Variants in ATP11B observed in about 807,000 individuals in gnomAD.
ATP11B encodes the protein phospholipid-transporting ATPase IF.
ATP11B carries 81 observed loss-of-function variants against 157.8 expected under a neutral mutation model. The ratio of observed to expected loss-of-function variants is 0.51; its 90% CI spans 0.43 to 0.62. ATP11B has a LOEUF of 0.62. Ranked by LOEUF, ATP11B falls within the 20% of genes least tolerant of loss-of-function variation. The pLI is 0.00. For missense variants in ATP11B, 1,165 were observed against 1,402.2 expected, an observed-to-expected ratio of 0.83 and a Z score of 2.70; for synonymous variants, 451 against 469.4, an observed-to-expected ratio of 0.96 and a Z score of 0.51.
chr3:182,909,935 G>A (rs1350409155), intron 28 of ATP11B, among the ~76,000 whole-genome samples: 3 of 151,534 alleles, frequency 2.0e-5, no homozygotes, highest in Non-Finnish European at 4.4e-5. Flanking sequence ...GTGGTGGTGT[G>A]TGCCTGTAGT....
At chr3:182,812,508 C>T (rs1490098316) in intron 1 of ATP11B, among the ~76,000 whole-genome samples, 2 of 152,200 alleles carry the variant, frequency 1.3e-5, no homozygotes, top group Non-Finnish European at 2.9e-5. Flanking sequence ...CTTACTAAAA[C>T]CTGTGATCTT....
intron 29 of ATP11B, chr3:182,915,603 G>A (rs912918317): frequency 1.6e-4 from 157 of 969,124 alleles, no homozygotes; most frequent in South Asian, 2.4e-4. Flanking sequence ...GACAATATAC[G>A]TTTTTGTTAA....
chr3:182,836,514 GTCTT>G (rs769772990), intron 6 of ATP11B, 44 bp downstream of exon 6: 4 of 1,611,248 alleles, frequency 2.5e-6, no homozygotes, highest in Non-Finnish European at 3.4e-6. Context: ...TGAACAAAGT[GTCTT>G]TGGATTATAA....
At chr3:182,842,501 G>A (rs557316659) in intron 8 of ATP11B, among the ~76,000 whole-genome samples, 7 of 152,258 alleles carry the variant, frequency 4.6e-5, no homozygotes, top group African/African-American at 1.7e-4. Flanking sequence ...ACCTCTGGAA[G>A]CCCTCCCATC....
intron 2 of ATP11B, among the ~76,000 whole-genome samples, chr3:182,821,000 G>A (rs1717307143): frequency 6.6e-6 from 1 of 152,230 alleles, no homozygotes; most frequent in Admixed American, 6.5e-5. Flanking sequence ...TTACAAAGCA[G>A]TGTTATACTG....
At position 182,836,402 on chromosome 3, in the gene ATP11B, T is replaced by G; in HGVS notation, c.484T>G (p.Ser162Ala). 1 of 1,613,986 alleles carries G rather than the reference T, an allele frequency of 6.2e-7. No homozygotes were observed. Among genetic ancestry groups the G allele is most frequent in the South Asian group, 1.1e-5 (1 of 91,082 alleles). Residue 162 changes from serine (S) to alanine (A), a missense_variant, in exon 6 of 30, where the codon TCC becomes GCC. Physicochemically the swap from Ser to Ala is moderately conservative, Grantham distance 99. Transcript: ENST00000323116. ...EIFPADLVLL[S>A]SDRLDGSCHV... ...TTTTCCTGCAGACTTGGTGCTTCTG[T>G]CCTCAGATCGACTGGATGGTTCCTG...
At chr3:182,870,533 T>C (rs951283537) in intron 17 of ATP11B, among the ~76,000 whole-genome samples, 1 of 152,258 alleles carries the variant, frequency 6.6e-6, no homozygotes, top group African/African-American at 2.4e-5. Context: ...AAAATAATGC[T>C]GGCACATAGT....
chr3:182,896,510 A>G (rs1315264984), intron 25 of ATP11B, among the ~76,000 whole-genome samples, 190 bp from the exon 26 acceptor site: 1 of 152,210 alleles, frequency 6.6e-6, no homozygotes, highest in Admixed American at 6.5e-5. Flanking sequence ...ATTGTCTATA[A>G]TAATAACACA....
intron 7 of ATP11B, among the ~76,000 whole-genome samples, chr3:182,839,458 T>C (rs1302410567): frequency 6.6e-6 from 1 of 152,144 alleles, no homozygotes; most frequent in African/African-American, 2.4e-5. Flanking sequence ...ATATATGTAC[T>C]AAATAGGTAG....
At chr3:182,796,288 A>G (rs1318239829) in intron 1 of ATP11B, among the ~76,000 whole-genome samples, 1 of 152,218 alleles carries the variant, frequency 6.6e-6, no homozygotes, top group Admixed American at 6.5e-5. Flanking sequence ...TGGTACAGTT[A>G]GTATTATTCA....
chr3:182,833,316 C>T (rs1418897357), intron 4 of ATP11B, among the ~76,000 whole-genome samples: 6 of 151,970 alleles, frequency 3.9e-5, no homozygotes, highest in Non-Finnish European at 7.4e-5. Context: ...TTCTGTGTAA[C>T]AAAGGGCCTA....
intron 25 of ATP11B, among the ~76,000 whole-genome samples, chr3:182,891,991 C>A (rs189561948): frequency 6.6e-6 from 1 of 152,200 alleles, no homozygotes; most frequent in Non-Finnish European, 1.5e-5. Flanking sequence ...GTATTCACTA[C>A]GTCTTAGCAG....
Position 182,795,760 on chromosome 3 carries a change from A to G in ATP11B, c.27+1974A>G, listed in dbSNP as rs547464922. ...ACCCTGGATACAGAGTAATGAAAGT[A>G]TATTTTGCTATCCCAGTCATAGACA... On this transcript the variant is annotated intron_variant, in intron 1 of 29. Transcript: ENST00000323116. 9.8e-5 allele frequency among the ~76,000 whole-genome samples: 15 copies of G among 152,370 alleles called. No individual in the cohort carries two copies. The East Asian group carries it at 2.9e-3, about 29-fold the overall frequency.
intron 10 of ATP11B, among the ~76,000 whole-genome samples, chr3:182,854,644 A>C (rs1266980616): frequency 6.6e-6 from 1 of 152,188 alleles, no homozygotes; most frequent in African/African-American, 2.4e-5. Context: ...CAGGCTAAAC[A>C]TTTAAAGAAA....
At chr3:182,902,586 G>A (rs1461636981) in intron 28 of ATP11B, 1 of 1,274,776 alleles carries the variant, frequency 7.8e-7, no homozygotes, top group Admixed American at 2.3e-5. Context: ...GAGGAGTAGA[G>A]CCTCATTAAC....
At chr3:182,803,779 T>C (rs1221150978) in intron 1 of ATP11B, among the ~76,000 whole-genome samples, 1 of 152,240 alleles carries the variant, frequency 6.6e-6, no homozygotes, top group African/African-American at 2.4e-5. Flanking sequence ...GTTTGCCTTC[T>C]CTGTCATAAG....
chr3:182,829,765 TTC>T lies in ATP11B; in HGVS notation c.315+15_315+16del, dbSNP rs779120006. The T allele has an allele frequency of 1.3e-6, 2 of 1,570,620 alleles. No individual in the cohort carries two copies. Among genetic ancestry groups the T allele is most frequent in the South Asian group, 1.2e-5 (1 of 85,686 alleles). ...TGCCATAAAGCAGGTATGAAATACT[TTC>T]TTTTTTTAATTTTCCTCTAAGTCAT... On this transcript the variant is annotated intron_variant, in intron 4 of 29. Coordinates refer to ENST00000323116, the MANE Select transcript of ATP11B (RefSeq NM_014616.3).
chr3:182,833,229 A>T (rs920707799), intron 4 of ATP11B, among the ~76,000 whole-genome samples: 1 of 152,216 alleles, frequency 6.6e-6, no homozygotes, highest in Non-Finnish European at 1.5e-5. Context: ...AAGGTATCAT[A>T]TAGGAAAAAT....
chr3:182,865,334 T>A, intron 12 of ATP11B, 122 bp from the exon 13 acceptor site: 1 of 856,356 alleles, frequency 1.2e-6, no homozygotes, highest in Non-Finnish European at 1.8e-6. Flanking sequence ...AATCTCAGCA[T>A]CCATATATCA....
Sources: allele counts gnomAD v4.1 joint callset (sites outside exome capture counted in the v4.1 genomes callset), GRCh38; gene constraint gnomAD v4.1.1; transcripts MANE v1.5; gene names NCBI Gene and HGNC (gene_info 2026-07-23, HGNC 2026-07-21).